UGT1A7: variants seen among roughly 807,000 people sequenced by gnomAD.
UGT1A7 encodes the protein UDP-glucuronosyltransferase 1A7.
A neutral mutation model predicts 45.6 loss-of-function variants in UGT1A7; 33 were observed. The ratio of observed to expected loss-of-function variants is 0.72; its 90% CI spans 0.55 to 0.97. The LOEUF (loss-of-function observed/expected upper bound fraction) is 0.97. Among genes scored for constraint, UGT1A7 ranks in the 50% least tolerant of loss-of-function variants. The pLI, the probability that UGT1A7 is intolerant of heterozygous loss-of-function variation, is 0.00. For synonymous variants in UGT1A7, 274 were observed against 250.6 expected, an observed-to-expected ratio of 1.09 and a Z score of -0.88; for missense variants, 684 against 666.2, an observed-to-expected ratio of 1.03 and a Z score of -0.29.
chr2:233,714,055 AGAGG>A (rs1305818023), intron 1 of UGT1A7, among the ~76,000 whole-genome samples: 1 of 152,164 alleles, frequency 6.6e-6, no homozygotes, highest in Non-Finnish European at 1.5e-5. Flanking sequence ...ATGGCCACTG[AGAGG>A]AAGGAGAGGC....
At chr2:233,757,710 G>A (rs942741461) in intron 1 of UGT1A7, among the ~76,000 whole-genome samples, 2 of 151,554 alleles carry the variant, frequency 1.3e-5, no homozygotes, top group Admixed American at 6.6e-5. Flanking sequence ...TTTGCTTCCC[G>A]GGAGGGTCCT....
intron 1 of UGT1A7, among the ~76,000 whole-genome samples, chr2:233,754,056 T>C (rs963446161): frequency 1.3e-5 from 2 of 152,238 alleles, no homozygotes; most frequent in Non-Finnish European, 2.9e-5. Context: ...TTTACCTGCT[T>C]TTATAAAGCC....
At position 233,772,766 on chromosome 2, in the gene UGT1A7, C is replaced by T. The variant is rs910513508; in HGVS notation, c.*207C>T. 4 of 1,374,588 alleles carry T rather than the reference C, an allele frequency of 2.9e-6. No individual in the cohort carries two copies. Among genetic ancestry groups the T allele is most frequent in the Non-Finnish European group, 3.8e-6 (4 of 1,047,350 alleles). 85.1% of individuals were successfully genotyped at this position (1,374,588 alleles called of 1,614,324 possible). ...AGATATTTGAATATGTATCGTGCCC[C>T]CTCTGGTGTCTTTGATCAGGATGAC... On this transcript the variant is annotated 3_prime_UTR_variant, in exon 5 of 5. Transcript: ENST00000373426.
chr2:233,707,461 T>G (rs1015244462), intron 1 of UGT1A7, among the ~76,000 whole-genome samples: 1 of 152,148 alleles, frequency 6.6e-6, no homozygotes, highest in African/African-American at 2.4e-5. Flanking sequence ...TAAATTTGCA[T>G]CTGTAAATAA....
At chr2:233,732,540 C>T (rs929935072) in intron 1 of UGT1A7, among the ~76,000 whole-genome samples, 1 of 152,202 alleles carries the variant, frequency 6.6e-6, no homozygotes, top group Non-Finnish European at 1.5e-5. Context: ...CCAGTTTTCC[C>T]AGCACCATTT....
chr2:233,731,811 GGCTGTGTCAAAT>G (rs1424533817), intron 1 of UGT1A7, among the ~76,000 whole-genome samples: 1 of 152,090 alleles, frequency 6.6e-6, no homozygotes, highest in Non-Finnish European at 1.5e-5. Flanking sequence ...GTAATGGTAT[GGCTGTGTCAAAT>G]GGTATTTCTA....
At chr2:233,688,505 C>A (rs2074897522) in intron 1 of UGT1A7, among the ~76,000 whole-genome samples, 1 of 152,100 alleles carries the variant, frequency 6.6e-6, no homozygotes, top group Non-Finnish European at 1.5e-5. Context: ...ATGTCACATG[C>A]AGTGAAATGC....
chr2:233,755,460 GC>G, intron 1 of UGT1A7: 1 of 281,180 alleles, frequency 3.6e-6, no homozygotes, highest in South Asian at 3.7e-5. Context: ...GACTGGCCCT[GC>G]TCTCTGTGAG....
chr2:233,746,667 C>T (rs4663969), intron 1 of UGT1A7, among the ~76,000 whole-genome samples: 19 of 151,232 alleles, frequency 1.3e-4, no homozygotes, highest in Non-Finnish European at 2.4e-4. Flanking sequence ...GAGTTCCTAG[C>T]ATAGTAGGTA....
At chr2:233,708,804 C>G (rs1422792473) in intron 1 of UGT1A7, 1 of 151,436 alleles carries the variant, frequency 6.6e-6, no homozygotes, top group Non-Finnish European at 1.5e-5. Context: ...ATTTGGGCAA[C>G]TTCCCCAAAT....
chr2:233,713,793 C>T (rs2076346799), intron 1 of UGT1A7: 2 of 1,613,928 alleles, frequency 1.2e-6, no homozygotes, highest in African/African-American at 1.3e-5. Context: ...TTACCCCAGG[C>T]CGATCATGCC....
Position 233,744,237 on chromosome 2 carries a change from T to C in UGT1A7, c.856-22797T>C, listed in dbSNP as rs1220461600. On this transcript the variant is annotated intron_variant, in intron 1 of 4. Coordinates refer to ENST00000373426, the MANE Select transcript of UGT1A7 (RefSeq NM_019077.3). ...GTTGGGGAAAAGAGAGGGCCTTGACTTTGGCTGCCTGAAGAACTGTTTTTC... is the reference window on the plus strand; with the variant it reads ...GTTGGGGAAAAGAGAGGGCCTTGACCTTGGCTGCCTGAAGAACTGTTTTTC... Among the ~76,000 whole-genome samples, 6 of 151,784 alleles carry C rather than the reference T, an allele frequency of 4.0e-5. 1 individual carries two copies. Among genetic ancestry groups the C allele is most frequent in the African/African-American group, 1.5e-4 (6 of 41,066 alleles).
At position 233,682,052 on chromosome 2, in the gene UGT1A7, T is replaced by C. The variant is rs1386550524; in HGVS notation, c.115T>C (p.Phe39Leu). ...LVVPMDGSHWFTMQSVVEKLI... is the reference protein window; with the variant it reads ...LVVPMDGSHWLTMQSVVEKLI... ...AGTGCCCATGGATGGGAGCCACTGG[T>C]TCACCATGCAGTCGGTGGTGGAGAA... Residue 39 changes from phenylalanine to leucine, a missense_variant, in exon 1 of 5, where the codon TTC becomes CTC. Coordinates refer to ENST00000373426, the MANE Select transcript of UGT1A7 (RefSeq NM_019077.3). 1.9e-6 allele frequency: 3 copies of C among 1,613,936 alleles called. No homozygotes were observed. The highest frequency in any genetic ancestry group is 1.6e-4 in the Middle Eastern group (1 of 6,078).
chr2:233,718,235 C>G (rs531002147), intron 1 of UGT1A7, among the ~76,000 whole-genome samples: 1 of 152,318 alleles, frequency 6.6e-6, no homozygotes, highest in African/African-American at 2.4e-5. Flanking sequence ...AGAGAGTCCT[C>G]TTTGAGCTTT....
At chr2:233,763,415 C>T (rs1277371697) in intron 1 of UGT1A7, among the ~76,000 whole-genome samples, 1 of 152,156 alleles carries the variant, frequency 6.6e-6, no homozygotes, top group Non-Finnish European at 1.5e-5. Flanking sequence ...ATTTTTAATC[C>T]AGTCAGGCAG....
intron 1 of UGT1A7, among the ~76,000 whole-genome samples, chr2:233,752,861 G>T (rs1247616817): frequency 2.0e-5 from 3 of 152,178 alleles, no homozygotes; most frequent in Non-Finnish European, 2.9e-5. Context: ...TGAACTTTGT[G>T]TTAGCTTTCA....
rs201093245 is a variant in UGT1A7, at chr2:233,760,862, A to G, written c.856-6172A>G. ...ACCCAGTGCCCCAACCCATTCTCCT[A>G]CGTGCCCAGGCCTCTCTCCTCTCAT... is the stretch of plus-strand genomic sequence containing the variant. On this transcript the variant is annotated intron_variant, in intron 1 of 4. Transcript: ENST00000373426. 6.2e-7 allele frequency: 1 copy of G among 1,614,000 alleles called. No homozygotes were observed. The highest frequency in any genetic ancestry group is 1.7e-5 in the Admixed American group (1 of 60,012).
At chr2:233,686,906 C>G (rs953257681) in intron 1 of UGT1A7, among the ~76,000 whole-genome samples, 1 of 152,186 alleles carries the variant, frequency 6.6e-6, no homozygotes, top group Non-Finnish European at 1.5e-5. Context: ...GAGGGGTCAA[C>G]AAGAAAGGGC....
At chr2:233,738,331 A>G (rs1320922630) in intron 1 of UGT1A7, among the ~76,000 whole-genome samples, 1 of 152,220 alleles carries the variant, frequency 6.6e-6, no homozygotes, top group African/African-American at 2.4e-5. Context: ...GGACTAATAC[A>G]GTAAATTGGT....
Sources: allele counts gnomAD v4.1 joint callset (sites outside exome capture counted in the v4.1 genomes callset), GRCh38; gene constraint gnomAD v4.1.1; transcripts MANE v1.5; gene names NCBI Gene and HGNC (gene_info 2026-07-23, HGNC 2026-07-21).